DDX43: variants seen among roughly 807,000 people sequenced by gnomAD.
DDX43 encodes the protein DEAD-box helicase 43.
Under a neutral mutation model 84.9 loss-of-function variants are expected in DDX43, and 50 were observed. The ratio of observed to expected loss-of-function variants is 0.59; its 90% confidence interval spans 0.47 to 0.75. The LOEUF is 0.75. Among genes scored for constraint, DDX43 ranks in the 30% least tolerant of loss-of-function variants. DDX43 has a pLI of 0.00. For missense variants in DDX43, 689 were observed against 798.6 expected (o/e 0.86, Z 1.65); for synonymous variants, 291 against 266.3 (o/e 1.09, Z -0.90).
chr6:73,413,396 C>T (rs766875936), intron 11 of DDX43: 1 of 239,498 alleles, frequency 4.2e-6, no homozygotes, highest in Non-Finnish European at 8.1e-6. Flanking sequence ...GACTCTGTCT[C>T]AAAAATAAAT....
In DDX43 at chr6:73,412,121, G is replaced by A. The variant is rs1012245644; in HGVS notation, c.1281-84G>A. The A allele has an allele frequency of 1.1e-5, 13 of 1,172,686 alleles. No individual in the cohort carries two copies. In the African/African-American group the frequency reaches 1.9e-4, roughly 17 times the overall value. 72.6% of individuals were successfully genotyped at this position (1,172,686 alleles called of 1,614,324 possible). ...AATAAGTACTAAATTTGTCTTTCAT[G>A]AGTAACTTGGTTCATAGCATGCTTA... On this transcript the variant is annotated intron_variant, in intron 10 of 16. Coordinates refer to ENST00000370336, the MANE Select transcript of DDX43 (RefSeq NM_018665.3).
intron 4 of DDX43, among the ~76,000 whole-genome samples, chr6:73,403,345 C>T (rs142719248): frequency 8.5e-5 from 13 of 152,260 alleles, no homozygotes; most frequent in African/African-American, 3.1e-4. Flanking sequence ...TGGCACATGC[C>T]TGTAATCCCA....
At position 73,407,917 on chromosome 6, in the gene DDX43, A is replaced by G. The variant is rs1310606837; in HGVS notation, c.1038-43A>G. 3 of 1,572,844 alleles carry G rather than the reference A, an allele frequency of 1.9e-6. No individual in the cohort carries two copies. In the Admixed American group the frequency reaches 5.4e-5, roughly 28 times the overall value. ...ATTGGATTTTAAGTTGTGATGAGAT[A>G]TTCTGTGCCTAAACATTAACCTTTA... On this transcript the variant is annotated intron_variant, in intron 8 of 16. Transcript: ENST00000370336.
chr6:73,416,278 T>A, intron 16 of DDX43, 27 bp downstream of exon 16: 1 of 881,046 alleles, frequency 1.1e-6, no homozygotes, highest in Non-Finnish European at 1.9e-6. Flanking sequence ...ATATGGACTT[T>A]AAAATGCCTG....
At chr6:73,410,007 G>T (rs1361729355) in intron 10 of DDX43, among the ~76,000 whole-genome samples, 1 of 145,640 alleles carries the variant, frequency 6.9e-6, no homozygotes, top group Non-Finnish European at 1.5e-5. Context: ...TCCAGTCTGG[G>T]CAACAAGAGT....
At chr6:73,405,912 C>T (rs1169402996) in intron 6 of DDX43, 77 bp downstream of exon 6, 1 of 1,343,836 alleles carries the variant, frequency 7.4e-7, no homozygotes, top group Non-Finnish European at 1.0e-6. Context: ...TAGAAGACTC[C>T]AGGGAGCAAC....
Position 73,413,655 on chromosome 6 carries a change from T to G in DDX43, c.1369-3T>G. The G allele has an allele frequency of 1.2e-6, 2 of 1,613,062 alleles. No homozygotes were observed. On this transcript the variant is annotated splice_polypyrimidine_tract_variant and splice_region_variant and intron_variant, in intron 11 of 16. Transcript: ENST00000370336. ...GATGAACTATGTTCTTTGAATCCTT[T>G]AGGCTGTAAGTTCAGTGAAGCAAAA...
rs771051398 is a variant in DDX43 at position 73,416,131 on chromosome 6, G to C, written c.1852G>C (p.Val618Leu). ...ATTTCAGAGTATTCCAGAGGAGCTT[G>C]TATCAATGGCTGAGAGGTTTAAGGC... ...RANQSIPEEL[V>L]SMAERFKAHQ... Residue 618 changes from valine to leucine, a missense_variant, in exon 16 of 17, where the codon GTA (valine) becomes CTA (leucine). Coordinates refer to ENST00000370336, the MANE Select transcript of DDX43 (RefSeq NM_018665.3). 1 of 1,557,178 alleles carries C rather than the reference G, an allele frequency of 6.4e-7. No individual in the cohort carries two copies. Among genetic ancestry groups the C allele is most frequent in the Admixed American group, 1.7e-5 (1 of 59,926 alleles).
rs770071600 is a variant in DDX43, at chr6:73,394,923, A to G, written c.18A>G (p.Gly6=). The G allele has an allele frequency of 3.1e-6, 5 of 1,614,044 alleles. No homozygotes were observed. The highest frequency in any genetic ancestry group is 4.2e-6 in the Non-Finnish European group (5 of 1,180,020). ...TTGGAACAATGTCCCACCACGGAGG[A>G]GCTCCCAAGGCCTCTACGTGGGTCG... MSHHG[G]APKASTWVVA... Residue 6 remains glycine, a synonymous_variant, in exon 1 of 17, where the codon GGA becomes GGG. Coordinates refer to ENST00000370336, the MANE Select transcript of DDX43 (RefSeq NM_018665.3).
chr6:73,415,281 G>C (rs1769880382), intron 14 of DDX43, among the ~76,000 whole-genome samples: 1 of 151,972 alleles, frequency 6.6e-6, no homozygotes, highest in South Asian at 2.1e-4. Context: ...CTGGGCAACA[G>C]TGCAAGACTC....
chr6:73,407,727 A>C, intron 8 of DDX43, 112 bp downstream of exon 8: 1 of 867,808 alleles, frequency 1.2e-6, no homozygotes, highest in Non-Finnish European at 1.8e-6. Context: ...ATGGCTCAGC[A>C]TGGGTCAGGC....
rs559661923 is a variant in DDX43, at chr6:73,413,240, C to T, written c.1369-418C>T. The stretch of plus-strand genomic sequence containing the variant: ...TTAATCATTAATAAATGAAATTGGC[C>T]TTTCACTTAATCATTAATAATAATG... On this transcript the variant is annotated intron_variant, in intron 11 of 16. Coordinates refer to ENST00000370336, the MANE Select transcript of DDX43 (RefSeq NM_018665.3). Among the ~76,000 whole-genome samples, 501 of 152,206 alleles carry T rather than the reference C, an allele frequency of 3.3e-3. 1 individual carries two copies. The highest frequency in any genetic ancestry group is 5.5e-3 in the Non-Finnish European group (371 of 68,008).
chr6:73,414,932 T>C (rs949284693), intron 14 of DDX43, among the ~76,000 whole-genome samples: 2 of 152,190 alleles, frequency 1.3e-5, no homozygotes, highest in Admixed American at 1.3e-4. Context: ...CGCTGAGCTC[T>C]GTACCCAGTG....
At chr6:73,412,668 T>TGTGTGTGTGTGTGTGTGTGTGCGCGC (rs538597626) in intron 11 of DDX43, among the ~76,000 whole-genome samples, 4 of 108,392 alleles carry the variant, frequency 3.7e-5, no homozygotes, top group East Asian at 2.9e-4. Flanking sequence ...TGTGTGTGTG[T>TGTGTGTGTGTGTGTGTGTGTGCGCGC]GCGCGCGCGC....
At chr6:73,396,311 GC>G (rs1317347584) in intron 1 of DDX43, among the ~76,000 whole-genome samples, 2 of 152,134 alleles carry the variant, frequency 1.3e-5, no homozygotes, top group Non-Finnish European at 2.9e-5. Context: ...TTGCCATTAA[GC>G]CCGAGTATAA....
chr6:73,408,057 C>T lies in DDX43; in HGVS notation c.1135C>T (p.Leu379=). Residue 379 remains leucine, a synonymous_variant, in exon 9 of 17, where the codon CTG becomes TTG. Transcript: ENST00000370336. The stretch of plus-strand genomic sequence containing the variant: ...TGCAACTCCCGGAAGATTGAATGAT[C>T]TGCAAATGAGTAACTTCGTCAATCT... ...IIATPGRLND[L]QMSNFVNLKN... The T allele has an allele frequency of 6.2e-7, 1 of 1,613,968 alleles. No individual in the cohort carries two copies. The highest frequency in any genetic ancestry group is 8.5e-7 in the Non-Finnish European group (1 of 1,179,924).
chr6:73,412,313 A>G (rs567069861), intron 11 of DDX43, 21 bp downstream of exon 11: 8 of 1,579,680 alleles, frequency 5.1e-6, no homozygotes, highest in Non-Finnish European at 6.9e-6. Flanking sequence ...TTTTATTACT[A>G]TTGTTTAACA....
chr6:73,401,818 A>G (rs750337389), intron 3 of DDX43, 41 bp from the exon 4 acceptor site: 15 of 1,546,878 alleles, frequency 9.7e-6, no homozygotes, highest in African/African-American at 2.8e-5. Flanking sequence ...AAAAAAAAAA[A>G]AAAATAGAAA....
intron 12 of DDX43, 59 bp from the exon 13 acceptor site, chr6:73,413,911 G>GT: frequency 6.6e-7 from 1 of 1,523,910 alleles, no homozygotes. Flanking sequence ...GCTAACAGAA[G>GT]TAAAACTGGT....
Sources: gnomAD v4.1 joint callset for allele counts (sites outside exome capture counted in the v4.1 genomes callset) on GRCh38, gnomAD v4.1.1 for gene constraint, MANE v1.5 for transcripts, NCBI Gene and HGNC (gene_info 2026-07-23, HGNC 2026-07-21) for gene names.